Variants in SPTBN4 observed in about 807,000 individuals in gnomAD.
The protein encoded by SPTBN4 is spectrin beta chain, non-erythrocytic 4.
SPTBN4 carries 96 observed loss-of-function variants against 277.8 expected under a neutral mutation model. That is an observed-to-expected ratio of 0.35 (90% confidence interval 0.29 to 0.41). The LOEUF (loss-of-function observed/expected upper bound fraction) is 0.41. Ranked by LOEUF, SPTBN4 falls within the 10% of genes least tolerant of loss-of-function variation. SPTBN4 has a pLI of 1.00. For synonymous variants in SPTBN4, 1,481 were observed against 1,580.3 expected, an observed-to-expected ratio of 0.94 and a Z score of 1.49; for missense variants, 3,006 against 3,595.7, an observed-to-expected ratio of 0.84 and a Z score of 4.19.
rs528312123 is a variant in SPTBN4 at position 40,513,343 on chromosome 19, C to T, written c.2554C>T (p.Leu852=). 1.2e-4 allele frequency: 186 copies of T among 1,589,566 alleles called. 2 individuals are homozygous for T. The South Asian group carries it at 1.9e-3, about 17-fold the overall frequency. ...ASGAGPLVVA[L]QVRVVEAEQL... ...TGGCGCAGGGCCACTGGTGGTGGCG[C>T]TGCAGGTGCGCGTGGTGGAAGCAGA... Residue 852 remains leucine, a synonymous_variant, in exon 14 of 36, where the codon CTG becomes TTG. Coordinates refer to ENST00000598249, the MANE Select transcript of SPTBN4 (RefSeq NM_020971.3).
intron 2 of SPTBN4, among the ~76,000 whole-genome samples, chr19:40,485,449 A>G (rs956510281): frequency 2.0e-5 from 3 of 152,146 alleles, no homozygotes; most frequent in African/African-American, 7.2e-5. Context: ...CCTTTTTAAA[A>G]CTTTAGATTA....
At chr19:40,504,959 CAGAG>C (rs1363162706) in intron 12 of SPTBN4, among the ~76,000 whole-genome samples, 7 of 151,802 alleles carry the variant, frequency 4.6e-5, no homozygotes, top group East Asian at 1.9e-4. Flanking sequence ...ATCAGAGAGA[CAGAG>C]AGAGGAGAAG....
intron 13 of SPTBN4, among the ~76,000 whole-genome samples, chr19:40,507,203 C>T (rs540148098): frequency 6.6e-6 from 1 of 151,818 alleles, no homozygotes; most frequent in South Asian, 2.1e-4. Context: ...TAGTCCCAGC[C>T]ACTGCAGAGG....
chr19:40,552,282 C>T (rs1488903624), intron 22 of SPTBN4, among the ~76,000 whole-genome samples: 3 of 151,770 alleles, frequency 2.0e-5, no homozygotes, highest in Admixed American at 6.6e-5. Context: ...GGTGAAACCG[C>T]GTCTCTACTA....
chr19:40,499,640 T>G (rs1458622740), intron 7 of SPTBN4, among the ~76,000 whole-genome samples: 1 of 151,744 alleles, frequency 6.6e-6, no homozygotes, highest in Non-Finnish European at 1.5e-5. Flanking sequence ...CAAGCGATCC[T>G]CCCACCTTGG....
chr19:40,521,891 C>A (rs1467133124), intron 16 of SPTBN4, among the ~76,000 whole-genome samples: 1 of 152,162 alleles, frequency 6.6e-6, no homozygotes, highest in Non-Finnish European at 1.5e-5. Flanking sequence ...TCAAACAGTC[C>A]CCCTGCTTTG....
Position 40,575,814 on chromosome 19 carries a change from CTTAT to C in SPTBN4, c.*248_*251del. The C allele has an allele frequency of 2.6e-6, 1 of 382,958 alleles. No homozygotes were observed. The highest frequency in any genetic ancestry group is 5.1e-5 in the South Asian group (1 of 19,514). 23.7% of individuals were successfully genotyped at this position (382,958 alleles called of 1,614,324 possible). ...CCCCCACCCCAGGTGCTGGGGGTCC[CTTAT>C]TTTTATGCAATAACTGAGCTTGATG... On this transcript the variant is annotated 3_prime_UTR_variant, in exon 36 of 36. Transcript: ENST00000598249.
chr19:40,567,929 G>A lies in SPTBN4; in HGVS notation c.6603G>A (p.Arg2201=). 2.6e-6 allele frequency: 4 copies of A among 1,518,994 alleles called. No homozygotes were observed. Among genetic ancestry groups the A allele is most frequent in the South Asian group, 1.2e-5 (1 of 81,468 alleles). 94.1% of individuals were successfully genotyped at this position (1,518,994 alleles called of 1,614,324 possible). The change falls in exon 31 of 36, where the codon AGG becomes AGA. Residue 2201 remains arginine (R), a synonymous_variant. Coordinates refer to ENST00000598249, the MANE Select transcript of SPTBN4 (RefSeq NM_020971.3). ...RIDRLPEIPG[R]VEPAALPAAP... ...ACCGGCTGCCGGAGATCCCGGGGAG[G>A]GTGGAGCCCGCGGCCCTGCCGGCCG...
intron 20 of SPTBN4, among the ~76,000 whole-genome samples, chr19:40,545,304 C>A (rs1409601836): frequency 6.6e-6 from 1 of 151,914 alleles, no homozygotes; most frequent in Non-Finnish European, 1.5e-5. Context: ...CCATGTTGGC[C>A]AGGCTGGTCT....
intron 17 of SPTBN4, among the ~76,000 whole-genome samples, chr19:40,526,167 C>CTTTTTTT (rs1168105162): frequency 1.9e-4 from 18 of 93,146 alleles, no homozygotes; most frequent in South Asian, 3.6e-4. Flanking sequence ...AGGTGCTGTT[C>CTTTTTTT]TTTTTTTTTT....
At position 40,513,410 on chromosome 19, in the gene SPTBN4, G is replaced by T; in HGVS notation, c.2621G>T (p.Arg874Leu). Residue 874 changes from arginine (R) to leucine (L), a missense_variant, in exon 14 of 36, where the codon CGC (arginine) becomes CTC (leucine). Physicochemically the swap from Arg to Leu is moderately radical, Grantham distance 102 (BLOSUM62 -2). This residue lies in a region of SPTBN4 where 1,759 missense variants were observed against 2,061.5 expected (regional missense o/e 0.85). Transcript: ENST00000598249. ...GTGACCGAAGTGGCGGCGCTGAGGC[G>T]CCAGTGGCTGCGGGACGCGCTCGCT... ...AEVTEVAALR[R>L]QWLRDALAVY... 2 of 1,604,668 alleles carry T rather than the reference G, an allele frequency of 1.2e-6. No homozygotes were observed. Among genetic ancestry groups the T allele is most frequent in the South Asian group, 1.1e-5 (1 of 90,070 alleles).
chr19:40,501,130 C>G (rs1438467561), intron 7 of SPTBN4, among the ~76,000 whole-genome samples: 1 of 150,564 alleles, frequency 6.6e-6, no homozygotes, highest in Non-Finnish European at 1.5e-5. Context: ...TCTGACTACT[C>G]AGGAGGCTGA....
At position 40,515,161 on chromosome 19, in the gene SPTBN4, T is replaced by G; in HGVS notation, c.2766-150T>G. On this transcript the variant is annotated intron_variant, in intron 14 of 35. Transcript: ENST00000598249. The surrounding 1 kb of genome is among the most constrained non-coding windows in gnomAD (Gnocchi z 4.1). ...ATTAAATAAGTTAAATTAAATTAAA[T>G]AAAATAAGCAGCAAGTAGAAGAGAA... 5.3e-6 allele frequency: 3 copies of G among 566,908 alleles called. No homozygotes were observed. Among genetic ancestry groups the G allele is most frequent in the African/African-American group, 2.2e-5 (1 of 46,140 alleles). 35.1% of individuals were successfully genotyped at this position (566,908 alleles called of 1,614,324 possible). A position where few individuals can be genotyped will look rare whatever the true frequency, so the allele number is the denominator to read the frequency against.
At chr19:40,495,264 C>T (rs1599729550) in intron 6 of SPTBN4, among the ~76,000 whole-genome samples, 1 of 152,142 alleles carries the variant, frequency 6.6e-6, no homozygotes, top group South Asian at 2.1e-4. Context: ...TACCCACGCA[C>T]GTGCACAGCC....
Position 40,519,517 on chromosome 19 carries a change from G to A in SPTBN4, c.3020G>A (p.Arg1007Gln). 6.3e-7 allele frequency: 1 copy of A among 1,599,328 alleles called. No individual in the cohort carries two copies. Among genetic ancestry groups the A allele is most frequent in the Admixed American group, 1.7e-5 (1 of 57,686 alleles). Residue 1007 changes from arginine to glutamine, a missense_variant, in exon 16 of 36, where the codon CGG (arginine) becomes CAG (glutamine). Arg to Gln is a conservative substitution (Grantham distance 43). This residue lies in a region of SPTBN4 where 1,759 missense variants were observed against 2,061.5 expected (regional missense o/e 0.85). Transcript: ENST00000598249. The surrounding 1 kb of genome is among the most constrained non-coding windows in gnomAD (Gnocchi z 5.7). ...AEVRAQVREKRRAVESAPRAG... is the reference protein window; with the variant it reads ...AEVRAQVREKQRAVESAPRAG... ...GTGCGCGCCCAGGTGCGTGAGAAGC[G>A]GAGAGCTGTGGAGAGCGCGCCCCGG...
At chr19:40,538,404 A>G (rs1035764140) in intron 20 of SPTBN4, among the ~76,000 whole-genome samples, 6 of 150,662 alleles carry the variant, frequency 4.0e-5, no homozygotes, top group Admixed American at 1.3e-4. Flanking sequence ...AAAAAAAAAA[A>G]AGAGAAAGAA....
intron 1 of SPTBN4, among the ~76,000 whole-genome samples, chr19:40,471,254 C>G (rs1168853085): frequency 1.3e-5 from 2 of 152,118 alleles, no homozygotes; most frequent in African/African-American, 4.8e-5. Flanking sequence ...GCCCTATCAT[C>G]TATGTTTGAA....
intron 26 of SPTBN4, among the ~76,000 whole-genome samples, chr19:40,558,828 G>A (rs1259855689): frequency 6.6e-6 from 1 of 151,580 alleles, no homozygotes; most frequent in Admixed American, 6.6e-5. Flanking sequence ...GGCTGGCCTC[G>A]AAATCCTGAC....
At chr19:40,538,390 C>CAA (rs1233852253) in intron 20 of SPTBN4, among the ~76,000 whole-genome samples, 25 of 105,120 alleles carry the variant, frequency 2.4e-4, no homozygotes, top group African/African-American at 7.3e-4. Flanking sequence ...GACTCTGTCT[C>CAA]AAAAAAAAAA....
Sources: gnomAD v4.1 joint callset for allele counts (sites outside exome capture counted in the v4.1 genomes callset) on GRCh38, gnomAD v4.1.1 for gene constraint, gnomAD v4.1.1 regional missense constraint, Gnocchi (gnomAD v3.1) non-coding constraint, MANE v1.5 for transcripts, NCBI Gene and HGNC (gene_info 2026-07-23, HGNC 2026-07-21) for gene names.